PLB1: variants seen among roughly 807,000 people sequenced by gnomAD.
PLB1 encodes phospholipase B1.
Under a neutral mutation model 227.4 loss-of-function variants are expected in PLB1, and 242 were observed. That is an observed-to-expected ratio of 1.06 (90% confidence interval 0.96 to 1.18). The LOEUF is 1.18. Ranked by LOEUF, PLB1 falls within the 50% of genes most tolerant of loss-of-function variation. The pLI, the probability that PLB1 is intolerant of heterozygous loss-of-function variation, is 0.00. For synonymous variants in PLB1, 757 were observed against 682.2 expected, an observed-to-expected ratio of 1.11 and a Z score of -1.71; for missense variants, 1,858 against 1,816.3, an observed-to-expected ratio of 1.02 and a Z score of -0.42.
At chr2:28,497,354 TA>T (rs1666573993) in intron 1 of PLB1, among the ~76,000 whole-genome samples, 2 of 152,254 alleles carry the variant, frequency 1.3e-5, no homozygotes, top group South Asian at 4.1e-4. Flanking sequence ...GAGCTCGCTG[TA>T]GCGAGACATC....
intron 1 of PLB1, among the ~76,000 whole-genome samples, chr2:28,508,068 A>G (rs2148163132): frequency 6.6e-6 from 1 of 152,306 alleles, no homozygotes; most frequent in South Asian, 2.1e-4. Context: ...AAAACAATAG[A>G]TTTCTTCTGG....
intron 57 of PLB1, among the ~76,000 whole-genome samples, chr2:28,642,009 C>T (rs1244643952): frequency 6.6e-6 from 1 of 152,086 alleles, no homozygotes; most frequent in Non-Finnish European, 1.5e-5. Flanking sequence ...GCATCCAGGC[C>T]TTTCCTTTTG....
intron 43 of PLB1, among the ~76,000 whole-genome samples, chr2:28,612,762 C>T (rs540522756): frequency 7.0e-6 from 1 of 142,790 alleles, no homozygotes; most frequent in Non-Finnish European, 1.5e-5. Flanking sequence ...ATGTGTACCA[C>T]ACCTGGATTT....
chr2:28,571,529 A>T (rs1033738889), intron 20 of PLB1, among the ~76,000 whole-genome samples: 1 of 151,336 alleles, frequency 6.6e-6, no homozygotes, highest in Non-Finnish European at 1.5e-5. Context: ...GAGGATTCAT[A>T]CTTACCAATT....
intron 34 of PLB1, among the ~76,000 whole-genome samples, 184 bp downstream of exon 34, chr2:28,598,232 T>C (rs891104961): frequency 2.0e-5 from 3 of 152,184 alleles, no homozygotes; most frequent in Admixed American, 6.5e-5. Context: ...ATTTAGAGCC[T>C]GAAGATCTGA....
At position 28,579,708 on chromosome 2, in the gene PLB1, G is replaced by T. The variant is rs1679599786; in HGVS notation, c.1566+1G>T. Reference sequence around the variant, plus strand: ...CCTCTGTGATTTCTGCAATGATCTGGTAGGTCTCCAGGCACTTTACTCAAG... The same window carrying T: ...CCTCTGTGATTTCTGCAATGATCTGTTAGGTCTCCAGGCACTTTACTCAAG... On this transcript the variant is annotated splice_donor_variant, in intron 23 of 57. Coordinates refer to ENST00000327757, the MANE Select transcript of PLB1 (RefSeq NM_153021.5). LOFTEE classifies it high-confidence loss of function. 1.2e-6 allele frequency: 2 copies of T among 1,611,224 alleles called. No homozygotes were observed. Among genetic ancestry groups the T allele is most frequent in the African/African-American group, 1.3e-5 (1 of 74,936 alleles).
intron 56 of PLB1, among the ~76,000 whole-genome samples, chr2:28,635,827 C>T (rs1689231655): frequency 6.6e-6 from 1 of 152,206 alleles, no homozygotes; most frequent in South Asian, 2.1e-4. Context: ...CCTCTACTCC[C>T]TCTTCTGCAG....
intron 6 of PLB1, among the ~76,000 whole-genome samples, chr2:28,527,346 A>G (rs914913408): frequency 6.6e-6 from 1 of 152,108 alleles, no homozygotes; most frequent in African/African-American, 2.4e-5. Flanking sequence ...AGCATACCCA[A>G]TGGGGAAGGA....
In PLB1 at chr2:28,516,868, A is replaced by C. The variant is rs1482122401; in HGVS notation, c.116A>C (p.Glu39Ala). The change falls in exon 2 of 58, where the codon GAG (glutamate) becomes GCG (alanine). Residue 39 changes from glutamate to alanine, a missense_variant and splice_region_variant. By Grantham distance (107) the Glu-to-Ala change is moderately radical (BLOSUM62 -1). Transcript: ENST00000327757. The part of the protein sequence containing the change: ...KSTLEGQLWP[E>A]TLKNSPFPCN... ...ACATTGGAAGGGCAGCTATGGCCAG[A>C]GGTAAGGGCTTTGGCTGGTGGGAGG... The C allele has an allele frequency of 6.2e-7, 1 of 1,613,650 alleles. No individual in the cohort carries two copies. The highest frequency in any genetic ancestry group is 1.7e-5 in the Admixed American group (1 of 60,012).
chr2:28,540,410 T>G lies in PLB1; in HGVS notation c.743T>G (p.Leu248Arg), dbSNP rs1264049149. 6.2e-7 allele frequency: 1 copy of G among 1,614,046 alleles called. No homozygotes were observed. Among genetic ancestry groups the G allele is most frequent in the South Asian group, 1.1e-5 (1 of 91,062 alleles). Residue 248 changes from leucine to arginine, a missense_variant, in exon 12 of 58, where the codon CTG (leucine) becomes CGG (arginine). Leu to Arg is a moderately radical substitution (Grantham distance 102). Transcript: ENST00000327757. Reference sequence around the variant, plus strand: ...AATTGCTCAGAGGAGACCACCCGGCTGGCCAAGGTGGTGATGCAGTGGTCT... The same window carrying G: ...AATTGCTCAGAGGAGACCACCCGGCGGGCCAAGGTGGTGATGCAGTGGTCT... ...PCNCSEETTR[L>R]AKVVMQWSYQ...
chr2:28,536,988 C>T (rs1374482300), intron 9 of PLB1, among the ~76,000 whole-genome samples: 1 of 152,134 alleles, frequency 6.6e-6, no homozygotes, highest in South Asian at 2.1e-4. Context: ...AGATGGGCAG[C>T]GAGGATGCCT....
chr2:28,590,957 A>G (rs568735893), intron 29 of PLB1, among the ~76,000 whole-genome samples, 176 bp from the exon 30 acceptor site: 63 of 152,318 alleles, frequency 4.1e-4, no homozygotes, highest in Admixed American at 1.2e-3. Flanking sequence ...TGCTGGGTTC[A>G]GGTTGCAGAG....
In PLB1 at chr2:28,565,370, CA is replaced by C. The variant is rs759057288; in HGVS notation, c.1280+19del. ...GTCCTGGAGGTGAGTGAGGGTGTGG[CA>C]AGGCCCCAAAGGCCCCTTCATTGCA... On this transcript the variant is annotated intron_variant, in intron 19 of 57. Transcript: ENST00000327757. 1 of 1,596,178 alleles carries C rather than the reference CA, an allele frequency of 6.3e-7. No individual in the cohort carries two copies. The highest frequency in any genetic ancestry group is 1.1e-5 in the South Asian group (1 of 87,802).
intron 24 of PLB1, 102 bp downstream of exon 24, chr2:28,582,235 G>C: frequency 7.2e-7 from 1 of 1,384,706 alleles, no homozygotes; most frequent in Non-Finnish European, 1.0e-6. Flanking sequence ...CACCTTTGTT[G>C]TGGATCCCAG....
chr2:28,585,229 G>T (rs1373715377), intron 25 of PLB1, among the ~76,000 whole-genome samples: 1 of 152,020 alleles, frequency 6.6e-6, no homozygotes, highest in Admixed American at 6.6e-5. Context: ...GAAATCAGAA[G>T]AAGTCTATTT....
chr2:28,547,813 A>G (rs1311691512), intron 14 of PLB1, among the ~76,000 whole-genome samples: 5 of 151,862 alleles, frequency 3.3e-5, no homozygotes, highest in South Asian at 4.2e-4. Flanking sequence ...GTAAGTGTTT[A>G]TATATGTATA....
chr2:28,598,538 A>T, intron 34 of PLB1, 114 bp from the exon 35 acceptor site: 1 of 779,236 alleles, frequency 1.3e-6, no homozygotes, highest in East Asian at 2.5e-5. Context: ...TCTCCCCAGG[A>T]AGCATGAGGA....
At chr2:28,551,405 A>T (rs1674235920) in intron 16 of PLB1, among the ~76,000 whole-genome samples, 1 of 152,148 alleles carries the variant, frequency 6.6e-6, no homozygotes, top group Non-Finnish European at 1.5e-5. Flanking sequence ...AGAAGGGGGG[A>T]CTGAGGTGAG....
At chr2:28,518,858 A>G (rs1013909638) in intron 3 of PLB1, among the ~76,000 whole-genome samples, 3 of 152,170 alleles carry the variant, frequency 2.0e-5, no homozygotes, top group Non-Finnish European at 4.4e-5. Context: ...TTTCCCCACA[A>G]TGGGCTGGGT....
Sources: allele counts gnomAD v4.1 joint callset (sites outside exome capture counted in the v4.1 genomes callset), GRCh38; gene constraint gnomAD v4.1.1; transcripts MANE v1.5; gene names NCBI Gene and HGNC (gene_info 2026-07-23, HGNC 2026-07-21).